Variants in DPP10 observed in about 807,000 individuals in gnomAD.
DPP10 encodes inactive dipeptidyl peptidase 10.
In DPP10, 33 loss-of-function variants were observed where a neutral mutation model predicts 120.9. The observed-to-expected ratio is 0.27, with a 90% CI of 0.21 to 0.37. The LOEUF (loss-of-function observed/expected upper bound fraction) is 0.37, where lower values mean the gene tolerates loss of function less well. Among genes scored for constraint, DPP10 ranks in the 10% least tolerant of loss-of-function variants. The pLI is 1.00. For synonymous variants in DPP10, 337 were observed against 326.1 expected (o/e 1.03, Z -0.36); for missense variants, 816 against 942.8 (o/e 0.87, Z 1.76).
At chr2:115,281,235 T>C (rs2060144264) in intron 1 of DPP10, among the ~76,000 whole-genome samples, 1 of 152,174 alleles carries the variant, frequency 6.6e-6, no homozygotes, top group South Asian at 2.1e-4. Flanking sequence ...TTTCAGAACT[T>C]GGTAAAACTT....
At chr2:115,414,334 T>A (rs1434828004) in intron 3 of DPP10, among the ~76,000 whole-genome samples, 1 of 152,290 alleles carries the variant, frequency 6.6e-6, no homozygotes, top group East Asian at 1.9e-4. Flanking sequence ...TATCTTCTAG[T>A]TTCCAGCCAG....
intron 3 of DPP10, among the ~76,000 whole-genome samples, chr2:115,466,824 AGGTAAAATGGT>A (rs1204797882): frequency 2.6e-5 from 4 of 152,296 alleles, no homozygotes; most frequent in Non-Finnish European, 4.4e-5. Context: ...GTTTACTCAC[AGGTAAAATGGT>A]GGTTAATAAT....
At chr2:115,297,303 A>G (rs147993728) in intron 1 of DPP10, 51 of 394,274 alleles carry the variant, frequency 1.3e-4, no homozygotes, top group African/African-American at 9.7e-4. Context: ...CATAAAAGTA[A>G]TTATTAATGG....
intron 1 of DPP10, among the ~76,000 whole-genome samples, chr2:115,273,607 A>G (rs2059792304): frequency 1.3e-5 from 2 of 152,200 alleles, no homozygotes; most frequent in Admixed American, 6.5e-5. Flanking sequence ...AAGTGCTGGG[A>G]TGACAGGCGT....
At chr2:114,502,404 T>C (rs1471953249) in intron 1 of DPP10, among the ~76,000 whole-genome samples, 1 of 152,222 alleles carries the variant, frequency 6.6e-6, no homozygotes, top group Non-Finnish European at 1.5e-5. Context: ...GACTAGTTCA[T>C]GAACATATCC....
intron 1 of DPP10, among the ~76,000 whole-genome samples, chr2:115,308,639 G>A (rs2061454882): frequency 6.6e-6 from 1 of 150,570 alleles, no homozygotes; most frequent in African/African-American, 2.5e-5. Context: ...CAGCAAGACA[G>A]TGTCATTAAC....
intron 1 of DPP10, among the ~76,000 whole-genome samples, chr2:114,891,921 C>T (rs1692573807): frequency 6.6e-6 from 1 of 152,218 alleles, no homozygotes; most frequent in South Asian, 2.1e-4. Flanking sequence ...CAGGATGTGC[C>T]TCATGCTGAG....
chr2:115,194,547 A>G (rs2055123589), intron 1 of DPP10, among the ~76,000 whole-genome samples: 1 of 152,110 alleles, frequency 6.6e-6, no homozygotes, highest in Non-Finnish European at 1.5e-5. Context: ...CTTGAGGGGA[A>G]AGCTAGGACA....
intron 1 of DPP10, among the ~76,000 whole-genome samples, chr2:114,650,741 C>T (rs1411926953): frequency 6.6e-6 from 1 of 151,998 alleles, no homozygotes; most frequent in Non-Finnish European, 1.5e-5. Flanking sequence ...CCTATCAATC[C>T]GCTCCCTCTA....
intron 3 of DPP10, among the ~76,000 whole-genome samples, chr2:115,407,089 C>T (rs554699096): frequency 1.4e-4 from 21 of 152,246 alleles, no homozygotes; most frequent in African/African-American, 5.1e-4. Context: ...AGATCGAATC[C>T]CAGGTCACCA....
intron 5 of DPP10, among the ~76,000 whole-genome samples, chr2:115,575,887 C>G (rs1314622693): frequency 6.6e-6 from 1 of 152,076 alleles, no homozygotes; most frequent in Non-Finnish European, 1.5e-5. Context: ...ACGTGAGCAC[C>G]CTCTAGAAGC....
At chr2:115,433,688 G>A (rs767473423) in intron 3 of DPP10, among the ~76,000 whole-genome samples, 12 of 151,856 alleles carry the variant, frequency 7.9e-5, no homozygotes, top group Non-Finnish European at 1.3e-4. Context: ...ACTACCCTCA[G>A]GGGTGCACAA....
At chr2:115,772,106 C>A (rs1173689803) in intron 13 of DPP10, among the ~76,000 whole-genome samples, 2 of 151,734 alleles carry the variant, frequency 1.3e-5, no homozygotes, top group Non-Finnish European at 2.9e-5. Context: ...TTCATTTAAA[C>A]ATTATTGTAA....
Position 115,080,937 on chromosome 2 carries a change from A to G in DPP10, c.61-228302A>G, listed in dbSNP as rs896735184. Among the ~76,000 whole-genome samples, 7 of 152,306 alleles carry G rather than the reference A, an allele frequency of 4.6e-5. No individual in the cohort carries two copies. In the South Asian group the frequency reaches 6.2e-4, roughly 14 times the overall value. Reference sequence around the variant, plus strand: ...TTTAGTGCATTAAAGAGATTATTCCACTATTGACTGTCTGACTTTGTTGCT... The same window carrying G: ...TTTAGTGCATTAAAGAGATTATTCCGCTATTGACTGTCTGACTTTGTTGCT... On this transcript the variant is annotated intron_variant, in intron 1 of 25. Transcript: ENST00000410059.
rs568248248 is a variant in DPP10 at position 115,440,551 on chromosome 2, C to A, written c.272-58959C>A. Among the ~76,000 whole-genome samples the A allele has an allele frequency of 3.9e-5, 6 of 152,254 alleles. No homozygotes were observed. In the South Asian group the frequency reaches 1.0e-3, roughly 26 times the overall value. ...ATGAATCAAGAGTCCTTTATTAAGC[C>A]GGCGGCCAAAGAGACGGCTAACGCT... On this transcript the variant is annotated intron_variant, in intron 3 of 25. Transcript: ENST00000410059.
At chr2:115,538,024 A>G (rs1404441987) in intron 5 of DPP10, among the ~76,000 whole-genome samples, 1 of 152,042 alleles carries the variant, frequency 6.6e-6, no homozygotes, top group Non-Finnish European at 1.5e-5. Flanking sequence ...GGAGCCAGGC[A>G]GAGTCTGCAA....
At chr2:115,100,408 C>T (rs2048625004) in intron 1 of DPP10, among the ~76,000 whole-genome samples, 1 of 152,006 alleles carries the variant, frequency 6.6e-6, no homozygotes, top group Non-Finnish European at 1.5e-5. Flanking sequence ...ATAATCTTGC[C>T]ACAGGACTTT....
intron 3 of DPP10, among the ~76,000 whole-genome samples, chr2:115,426,380 G>A (rs2070455733): frequency 8.0e-6 from 1 of 124,454 alleles, no homozygotes; most frequent in Non-Finnish European, 1.7e-5. Context: ...CTCTCACCAG[G>A]TGCCACTCCG....
chr2:114,906,670 A>G (rs1167984826), intron 1 of DPP10, among the ~76,000 whole-genome samples: 3 of 152,074 alleles, frequency 2.0e-5, no homozygotes, highest in Admixed American at 1.3e-4. Flanking sequence ...ATTGATTTTC[A>G]GCTGTTGAAC....
Sources: gnomAD v4.1 joint callset for allele counts (sites outside exome capture counted in the v4.1 genomes callset) on GRCh38, gnomAD v4.1.1 for gene constraint, MANE v1.5 for transcripts, NCBI Gene and HGNC (gene_info 2026-07-23, HGNC 2026-07-21) for gene names.